FBXL2: variants seen among roughly 807,000 people sequenced by gnomAD.
FBXL2 encodes the protein F-box and leucine rich repeat protein 2, also known as F-box/LRR-repeat protein 2.
In FBXL2, 38 loss-of-function variants were observed where a neutral mutation model predicts 69.2. That is an observed-to-expected ratio of 0.55 (90% CI 0.42 to 0.72). The LOEUF (loss-of-function observed/expected upper bound fraction) is 0.72, where lower values mean the gene tolerates loss of function less well. FBXL2 is among the 30% of genes least tolerant of loss of function. The pLI is 0.00. For missense variants in FBXL2, 354 were observed against 520.3 expected, an observed-to-expected ratio of 0.68 and a Z score of 3.11; for synonymous variants, 192 against 201.3, an observed-to-expected ratio of 0.95 and a Z score of 0.39.
chr3:33,421,770 T>C, the FBXL2 span, among the ~76,000 whole-genome samples: 1 of 152,204 alleles, frequency 6.6e-6, no homozygotes, highest in Non-Finnish European at 1.5e-5. Flanking sequence ...CCATTTCGGC[T>C]GGGAGTGGTG....
At chr3:33,376,565 T>C (rs976336439) in intron 10 of FBXL2, among the ~76,000 whole-genome samples, 6 of 152,248 alleles carry the variant, frequency 3.9e-5, no homozygotes, top group Admixed American at 2.6e-4. Flanking sequence ...CCCATCCCTA[T>C]TAAGCATGGG....
At chr3:33,407,525 C>T (rs1222954523), downstream of FBXL2, among the ~76,000 whole-genome samples, 1 of 141,460 alleles carries the variant, frequency 7.1e-6, no homozygotes, top group Admixed American at 7.2e-5. Context: ...GCTGTTTTAA[C>T]AATCTTTGAT....
chr3:33,302,941 T>G, intron 2 of FBXL2: 2 of 273,330 alleles, frequency 7.3e-6, no homozygotes, highest in South Asian at 7.6e-5. Flanking sequence ...GTGAAAATCA[T>G]TATGGTTTTT....
At chr3:33,366,689 G>A (rs1176357322) in intron 5 of FBXL2, among the ~76,000 whole-genome samples, 3 of 152,172 alleles carry the variant, frequency 2.0e-5, no homozygotes, top group African/African-American at 4.8e-5. Context: ...ATTTGGCTGG[G>A]TGCGGTGGCT....
chr3:33,290,248 C>T (rs2035084522), intron 1 of FBXL2, among the ~76,000 whole-genome samples: 1 of 152,242 alleles, frequency 6.6e-6, no homozygotes, highest in African/African-American at 2.4e-5. Context: ...CATGGACTAA[C>T]ACTACAATCT....
At chr3:33,303,127 G>A (rs1455148664) in intron 2 of FBXL2, 1 of 456,670 alleles carries the variant, frequency 2.2e-6, no homozygotes, top group Non-Finnish European at 4.4e-6. Context: ...TGTCTGTGGT[G>A]CCTGCTGCCT....
chr3:33,411,460 A>G, the FBXL2 span: 4 of 805,576 alleles, frequency 5.0e-6, no homozygotes, highest in Non-Finnish European at 8.0e-6. Context: ...GTATATAGAA[A>G]GACACTACAA....
At chr3:33,331,824 TAGAA>T (rs1270076190) in intron 2 of FBXL2, among the ~76,000 whole-genome samples, 2 of 152,134 alleles carry the variant, frequency 1.3e-5, no homozygotes, top group African/African-American at 4.8e-5. Context: ...GAAAGGGAAT[TAGAA>T]AGCTGAAAAA....
At chr3:33,303,316 A>G (rs1431433653) in intron 2 of FBXL2, among the ~76,000 whole-genome samples, 3 of 152,056 alleles carry the variant, frequency 2.0e-5, no homozygotes, top group Non-Finnish European at 1.5e-5. Flanking sequence ...ATAAATGTGT[A>G]TGTTGAAATC....
chr3:33,347,868 T>TA (rs1486214409), intron 2 of FBXL2, among the ~76,000 whole-genome samples: 2 of 152,150 alleles, frequency 1.3e-5, no homozygotes, highest in Non-Finnish European at 2.9e-5. Context: ...ATTGGATTGT[T>TA]AGATTTTTTT....
At chr3:33,298,880 A>G (rs2035996269) in intron 2 of FBXL2, among the ~76,000 whole-genome samples, 1 of 151,950 alleles carries the variant, frequency 6.6e-6, no homozygotes, top group African/African-American at 2.4e-5. Flanking sequence ...TCAAATAACT[A>G]TAGGAAACAA....
intron 2 of FBXL2, among the ~76,000 whole-genome samples, chr3:33,355,360 T>C (rs1340911765): frequency 6.6e-6 from 1 of 152,236 alleles, no homozygotes; most frequent in Admixed American, 6.5e-5. Flanking sequence ...AATTTTGAAA[T>C]GGATCATGTT....
chr3:33,412,799 C>G, the FBXL2 span: 1 of 1,613,952 alleles, frequency 6.2e-7, no homozygotes, highest in Non-Finnish European at 8.5e-7. Context: ...TTGTAGCCGT[C>G]TGTCATGGAA....
chr3:33,408,758 C>T, the FBXL2 span: 1 of 1,613,990 alleles, frequency 6.2e-7, no homozygotes, highest in Non-Finnish European at 8.5e-7. Flanking sequence ...TTTTTCTGCT[C>T]ATGTTCAACT....
chr3:33,403,763 C>T (rs1466861347), downstream of FBXL2: 1 of 152,122 alleles, frequency 6.6e-6, no homozygotes, highest in Non-Finnish European at 1.5e-5. Context: ...GCTAAGCATG[C>T]CAGAGTAATC....
At chr3:33,325,059 G>T (rs1057354293) in intron 2 of FBXL2, among the ~76,000 whole-genome samples, 4 of 152,044 alleles carry the variant, frequency 2.6e-5, no homozygotes, top group African/African-American at 4.8e-5. Flanking sequence ...TATTCTCTTC[G>T]TAGCAGTTGT....
chr3:33,412,228 C>T, the FBXL2 span, among the ~76,000 whole-genome samples: 55,839 of 147,840 alleles, frequency 0.38, 11,428 homozygotes, highest in East Asian at 0.6. Flanking sequence ...TACAATTAAA[C>T]GGTTTCAAAA....
At chr3:33,317,189 T>A (rs1559531351) in intron 2 of FBXL2, among the ~76,000 whole-genome samples, 1 of 152,172 alleles carries the variant, frequency 6.6e-6, no homozygotes, top group African/African-American at 2.4e-5. Context: ...TGAGCCACCA[T>A]GCTCAGCCTA....
In FBXL2 at chr3:33,378,672, T is replaced by C; in HGVS notation, c.895-13T>C. On this transcript the variant is annotated splice_polypyrimidine_tract_variant and intron_variant, in intron 12 of 14. Coordinates refer to ENST00000484457, the MANE Select transcript of FBXL2 (RefSeq NM_012157.5). ...GTGTAGAAGCCACACTGACACAGCATGTTTCTCTCCAGATAACCGACAGCA... is the reference window on the plus strand; with the variant it reads ...GTGTAGAAGCCACACTGACACAGCACGTTTCTCTCCAGATAACCGACAGCA... The C allele has an allele frequency of 1.2e-6, 2 of 1,611,148 alleles. No homozygotes were observed. The highest frequency in any genetic ancestry group is 2.2e-5 in the East Asian group (1 of 44,830).
Sources: allele counts gnomAD v4.1 joint callset (sites outside exome capture counted in the v4.1 genomes callset), GRCh38; gene constraint gnomAD v4.1.1; transcripts MANE v1.5; gene names NCBI Gene and HGNC (gene_info 2026-07-23, HGNC 2026-07-21).